TEC: variants seen among roughly 807,000 people sequenced by gnomAD.
TEC encodes the protein tec protein tyrosine kinase.
In TEC, 72 loss-of-function variants were observed where a neutral mutation model predicts 93.0. The observed-to-expected ratio is 0.77, with a 90% CI of 0.64 to 0.94. TEC has a LOEUF of 0.94. Ranked by LOEUF, TEC falls within the 40% of genes least tolerant of loss-of-function variation. The pLI is 0.00. For synonymous variants in TEC, 249 were observed against 247.7 expected, an observed-to-expected ratio of 1.01 and a Z score of -0.05; for missense variants, 630 against 757.9, an observed-to-expected ratio of 0.83 and a Z score of 1.98.
At chr4:48,234,993 GTAAAATAGAAT>G (rs1723746934) in intron 1 of TEC, among the ~76,000 whole-genome samples, 1 of 151,984 alleles carries the variant, frequency 6.6e-6, no homozygotes, top group Non-Finnish European at 1.5e-5. Flanking sequence ...CCTCTACTCT[GTAAAATAGAAT>G]GAGAGCTCCC....
At chr4:48,166,231 AAAG>A (rs1355305429) in intron 7 of TEC, among the ~76,000 whole-genome samples, 2 of 86,172 alleles carry the variant, frequency 2.3e-5, no homozygotes, top group East Asian at 5.4e-4. Context: ...AGGAGGGAAG[AAAG>A]AAGAGAGGTA....
intron 9 of TEC, among the ~76,000 whole-genome samples, chr4:48,156,139 G>C (rs974591095): frequency 6.6e-6 from 1 of 152,146 alleles, no homozygotes; most frequent in African/African-American, 2.4e-5. Context: ...CCAAGGCTTT[G>C]GGTATATGAA....
intron 2 of TEC, among the ~76,000 whole-genome samples, chr4:48,178,280 T>C (rs1435950059): frequency 6.6e-6 from 1 of 152,196 alleles, no homozygotes; most frequent in Non-Finnish European, 1.5e-5. Flanking sequence ...CTCTCTGCTT[T>C]ACAGAGGAGA....
At chr4:48,201,526 G>C (rs1464206876) in intron 2 of TEC, among the ~76,000 whole-genome samples, 21 of 152,068 alleles carry the variant, frequency 1.4e-4, no homozygotes, top group Admixed American at 1.4e-3. Context: ...GACAAGCAGT[G>C]GCCAGAAAGG....
chr4:48,169,480 T>C (rs764702480), intron 5 of TEC, among the ~76,000 whole-genome samples: 26 of 152,090 alleles, frequency 1.7e-4, no homozygotes, highest in Non-Finnish European at 3.1e-4. Flanking sequence ...GTGCCAGGAC[T>C]CATAGAACTG....
At chr4:48,233,816 C>CAAA (rs34535018) in intron 1 of TEC, among the ~76,000 whole-genome samples, 162 of 136,412 alleles carry the variant, frequency 1.2e-3, no homozygotes, top group Non-Finnish European at 2.1e-3. Flanking sequence ...GAAACTCTCC[C>CAAA]AAAAAAAAAA....
chr4:48,164,552 T>C (rs78039443), intron 7 of TEC, among the ~76,000 whole-genome samples: 2 of 151,074 alleles, frequency 1.3e-5, no homozygotes, highest in Non-Finnish European at 3.0e-5. Flanking sequence ...GAACTCATAA[T>C]ACACACACAC....
Position 48,145,523 on chromosome 4 carries a change from G to A in TEC, c.1138C>T (p.Leu380=). The A allele has an allele frequency of 1.9e-6, 3 of 1,614,082 alleles. No homozygotes were observed. The highest frequency in any genetic ancestry group is 2.5e-6 in the Non-Finnish European group (3 of 1,180,024). The part of the protein sequence containing the change: ...LTFMRELGSG[L]FGVVRLGKWR... ...TTGCCAAGCCTCACCACTCCAAACA[G>A]TCCACTTCCCAATTCCCTCATAAAG... The change falls in exon 13 of 18, where the codon CTG becomes TTG. Residue 380 remains leucine (L), a synonymous_variant. Transcript: ENST00000381501.
chr4:48,153,877 CTG>C (rs1310628459), intron 9 of TEC, among the ~76,000 whole-genome samples: 1 of 152,200 alleles, frequency 6.6e-6, no homozygotes, highest in African/African-American at 2.4e-5. Context: ...ATCATTCTGG[CTG>C]TGACAGAGGT....
intron 1 of TEC, among the ~76,000 whole-genome samples, chr4:48,267,138 AAACC>A (rs1365365339): frequency 6.6e-6 from 1 of 152,268 alleles, no homozygotes; most frequent in Non-Finnish European, 1.5e-5. Flanking sequence ...TTAAAACTAT[AAACC>A]ATAACAAAAC....
intron 2 of TEC, among the ~76,000 whole-genome samples, chr4:48,226,371 T>G (rs1431537315): frequency 2.1e-5 from 3 of 142,578 alleles, no homozygotes. Context: ...TTACACTGAG[T>G]GTGCCTCACT....
intron 7 of TEC, among the ~76,000 whole-genome samples, chr4:48,164,384 T>A (rs892980176): frequency 1.3e-5 from 2 of 152,124 alleles, no homozygotes; most frequent in African/African-American, 4.8e-5. Flanking sequence ...AAATGTCCGA[T>A]TTTACCCCAA....
At position 48,138,932 on chromosome 4, in the gene TEC, G is replaced by A. The variant is rs759878868; in HGVS notation, c.1626C>T (p.Phe542=). 9.3e-6 allele frequency: 15 copies of A among 1,614,098 alleles called. No homozygotes were observed. Among genetic ancestry groups the A allele is most frequent in the Non-Finnish European group, 1.3e-5 (15 of 1,180,046 alleles). Residue 542 remains phenylalanine (F), a synonymous_variant, in exon 16 of 18, where the codon TTC becomes TTT. Transcript: ENST00000381501. ...CPPEVFNYSR[F]SSKSDVWSFG... ...ATGACCAGACATCTGATTTGCTGCTGAAGCGGCTGTAATTAAACACTTCAG... is the reference window on the plus strand; with the variant it reads ...ATGACCAGACATCTGATTTGCTGCTAAAGCGGCTGTAATTAAACACTTCAG...
chr4:48,236,130 CA>C (rs1723776546), intron 1 of TEC, among the ~76,000 whole-genome samples: 2 of 152,128 alleles, frequency 1.3e-5, no homozygotes, highest in Non-Finnish European at 2.9e-5. Flanking sequence ...TTAAGAGCCA[CA>C]ACAAACTCTT....
intron 8 of TEC, among the ~76,000 whole-genome samples, chr4:48,159,276 G>C (rs1376747622): frequency 6.6e-6 from 1 of 152,212 alleles, no homozygotes; most frequent in Non-Finnish European, 1.5e-5. Context: ...GCCAGCACCA[G>C]CATCTGAAAA....
intron 2 of TEC, among the ~76,000 whole-genome samples, chr4:48,203,867 C>T (rs1387535738): frequency 2.6e-5 from 4 of 152,178 alleles, no homozygotes; most frequent in South Asian, 2.1e-4. Context: ...CAGAGGCACT[C>T]GCTTTACAGG....
chr4:48,233,838 G>T (rs903493185), intron 1 of TEC, among the ~76,000 whole-genome samples: 13 of 148,466 alleles, frequency 8.8e-5, no homozygotes, highest in African/African-American at 2.9e-4. Context: ...AAATTAAGAC[G>T]CAGAAAACAT....
intron 1 of TEC, among the ~76,000 whole-genome samples, chr4:48,258,148 T>TTG (rs1160057573): frequency 6.6e-6 from 1 of 150,748 alleles, no homozygotes; most frequent in African/African-American, 2.4e-5. Flanking sequence ...TTTTTTGGTT[T>TTG]TTTTTTTTTT....
At chr4:48,219,922 G>A (rs1294714279) in intron 2 of TEC, among the ~76,000 whole-genome samples, 1 of 152,010 alleles carries the variant, frequency 6.6e-6, no homozygotes, top group Non-Finnish European at 1.5e-5. Flanking sequence ...CACTCGCTAA[G>A]CCCCATAGGG....
Sources: gnomAD v4.1 joint callset for allele counts (sites outside exome capture counted in the v4.1 genomes callset) on GRCh38, gnomAD v4.1.1 for gene constraint, MANE v1.5 for transcripts, NCBI Gene and HGNC (gene_info 2026-07-23, HGNC 2026-07-21) for gene names.